KDM3B: variants seen among roughly 807,000 people sequenced by gnomAD.
The protein encoded by KDM3B is lysine-specific demethylase 3B.
A neutral mutation model predicts 170.0 loss-of-function variants in KDM3B; 10 were observed. That is an observed-to-expected ratio of 0.06 (90% confidence interval 0.04 to 0.10). The LOEUF (loss-of-function observed/expected upper bound fraction) is 0.10. KDM3B is among the 10% of genes least tolerant of loss of function. The pLI, the probability that KDM3B is intolerant of heterozygous loss-of-function variation, is 1.00. For missense variants in KDM3B, 1,394 were observed against 2,195.2 expected (o/e 0.64, Z 7.29); for synonymous variants, 831 against 834.8 (o/e 1.00, Z 0.08).
chr5:138,379,633 G>A lies in KDM3B; in HGVS notation c.630G>A (p.Gly210=), dbSNP rs762318740. ...GGGTCAAAATATATCAGCCAGAGGGGGAAGAAGGGTGGCTCTATGGTGTTG... is the reference window on the plus strand; with the variant it reads ...GGGTCAAAATATATCAGCCAGAGGGAGAAGAAGGGTGGCTCTATGGTGTTG... ...GHRVKIYQPE[G]EEGWLYGVVS... is the part of the protein sequence containing the mutation. Residue 210 remains glycine (G), a synonymous_variant, in exon 5 of 24, where the codon GGG becomes GGA. Transcript: ENST00000314358. 6.2e-7 allele frequency: 1 copy of A among 1,613,616 alleles called. No individual in the cohort carries two copies. Among genetic ancestry groups the A allele is most frequent in the South Asian group, 1.1e-5 (1 of 90,984 alleles).
At position 138,352,713 on chromosome 5, in the gene KDM3B, A is replaced by T; in HGVS notation, c.-83A>T. On this transcript the variant is annotated 5_prime_UTR_variant, in exon 1 of 24. Coordinates refer to ENST00000314358, the MANE Select transcript of KDM3B (RefSeq NM_016604.4). ...CGGCGGCCGCGGGTGGTGCGGAGGG[A>T]GGCCTTGCGGGCGGATCGGGCGCTT... The T allele has an allele frequency of 9.9e-7, 1 of 1,005,182 alleles. No individual in the cohort carries two copies. Among genetic ancestry groups the T allele is most frequent in the South Asian group, 4.8e-5 (1 of 20,824 alleles). 62.3% of individuals were successfully genotyped at this position (1,005,182 alleles called of 1,614,324 possible). A position where few individuals can be genotyped will look rare whatever the true frequency, so the allele number is the denominator to read the frequency against.
At chr5:138,421,024 G>A in intron 15 of KDM3B, 62 bp downstream of exon 15, 2 of 1,583,636 alleles carry the variant, frequency 1.3e-6, no homozygotes, top group South Asian at 1.1e-5. Context: ...TCAGAGATCA[G>A]ATAATTGGGT....
chr5:138,399,523 G>A (rs1762629176), intron 10 of KDM3B, among the ~76,000 whole-genome samples: 1 of 151,758 alleles, frequency 6.6e-6, no homozygotes, highest in Non-Finnish European at 1.5e-5. Flanking sequence ...GGATGACAAA[G>A]CGAGACCCCA....
chr5:138,371,454 CAAAAA>C (rs747631161), intron 1 of KDM3B, among the ~76,000 whole-genome samples: 1 of 56,674 alleles, frequency 1.8e-5, no homozygotes, highest in Admixed American at 2.0e-4. Flanking sequence ...GACCCTGTCT[CAAAAA>C]AAAAAAAAAA....
At chr5:138,394,541 A>G (rs1762506074) in intron 9 of KDM3B, among the ~76,000 whole-genome samples, 1 of 152,236 alleles carries the variant, frequency 6.6e-6, no homozygotes, top group Non-Finnish European at 1.5e-5. Flanking sequence ...AGAATACACC[A>G]CACTGTGACA....
chr5:138,422,932 C>A (rs1370554783), intron 15 of KDM3B, among the ~76,000 whole-genome samples: 1 of 152,086 alleles, frequency 6.6e-6, no homozygotes, highest in Non-Finnish European at 1.5e-5. Context: ...TTATTTGTTT[C>A]TCTTTTGGAT....
chr5:138,424,395 T>C, intron 16 of KDM3B, 54 bp downstream of exon 16: 4 of 1,555,546 alleles, frequency 2.6e-6, no homozygotes, highest in Non-Finnish European at 3.5e-6. Context: ...CTACCACAGA[T>C]ACCTGGACAA....
At chr5:138,410,947 T>A (rs1461367178) in intron 11 of KDM3B, among the ~76,000 whole-genome samples, 2 of 145,204 alleles carry the variant, frequency 1.4e-5, no homozygotes, top group South Asian at 4.4e-4. Context: ...GGACTAGGAG[T>A]GTGACCACTG....
chr5:138,363,166 A>T (rs1041692186), intron 1 of KDM3B, among the ~76,000 whole-genome samples: 1 of 152,074 alleles, frequency 6.6e-6, no homozygotes, highest in African/African-American at 2.4e-5. Context: ...TAGTAAATTC[A>T]TGGAGGTCAG....
chr5:138,375,640 A>C (rs1449691384), intron 3 of KDM3B, among the ~76,000 whole-genome samples: 1 of 152,006 alleles, frequency 6.6e-6, no homozygotes, highest in African/African-American at 2.4e-5. Flanking sequence ...GGCCTCCCAA[A>C]GTGCTGGGAT....
Position 138,419,249 on chromosome 5 carries a change from C to T in KDM3B, c.3715+17C>T. On this transcript the variant is annotated intron_variant, in intron 14 of 23. Coordinates refer to ENST00000314358, the MANE Select transcript of KDM3B (RefSeq NM_016604.4). ...AAACAAAAGGTGAGATGCACACAAACCTCTGCTCTGCCTATGGTAGAAATC... is the reference window on the plus strand; with the variant it reads ...AAACAAAAGGTGAGATGCACACAAATCTCTGCTCTGCCTATGGTAGAAATC... The T allele has an allele frequency of 6.2e-7, 1 of 1,608,438 alleles. No individual in the cohort carries two copies. The highest frequency in any genetic ancestry group is 1.1e-5 in the South Asian group (1 of 90,796).
At chr5:138,425,259 G>C (rs1245917113) in intron 16 of KDM3B, 152 bp from the exon 17 acceptor site, 1 of 612,168 alleles carries the variant, frequency 1.6e-6, no homozygotes, top group South Asian at 2.7e-5. Context: ...TAGTTGACAT[G>C]TGGAAATCCA....
intron 6 of KDM3B, among the ~76,000 whole-genome samples, chr5:138,384,200 C>G (rs1241885713): frequency 2.1e-5 from 3 of 143,154 alleles, no homozygotes; most frequent in Non-Finnish European, 3.0e-5. Flanking sequence ...GAGCCGAGAT[C>G]GTGCCACTGC....
chr5:138,414,881 A>C (rs1159196468), intron 11 of KDM3B, among the ~76,000 whole-genome samples: 1 of 152,182 alleles, frequency 6.6e-6, no homozygotes, highest in Non-Finnish European at 1.5e-5. Context: ...GGCTTGAGCC[A>C]GAGAGGCGGA....
At position 138,418,149 on chromosome 5, in the gene KDM3B, G is replaced by A. The variant is rs1015672281; in HGVS notation, c.3435+539G>A. On this transcript the variant is annotated intron_variant, in intron 13 of 23. Coordinates refer to ENST00000314358, the MANE Select transcript of KDM3B (RefSeq NM_016604.4). ...TACTGGAGTGCAGTGGCATGATCTC[G>A]GCTCACTGCAACCTCTGCCTCCCAG... Among the ~76,000 whole-genome samples, 5 of 138,752 alleles carry A rather than the reference G, an allele frequency of 3.6e-5. No homozygotes were observed. In the South Asian group the frequency reaches 7.2e-4, roughly 20 times the overall value. The allele number at this position is 138,752 out of a possible 152,430, so 91.0% of individuals were successfully genotyped here.
chr5:138,407,639 T>A (rs1436889221), intron 11 of KDM3B, among the ~76,000 whole-genome samples: 1 of 152,132 alleles, frequency 6.6e-6, no homozygotes. Context: ...AAACGCAACA[T>A]CTGGTGGAGG....
rs1242186736 is a variant in KDM3B, at chr5:138,424,113, C to T, written c.4011C>T (p.Asp1337=). ...AGGCCAGCCTACCCAACTTTCTTGACCACATCATTGCCTCAGTGGTAGAAA... is the reference window on the plus strand; with the variant it reads ...AGGCCAGCCTACCCAACTTTCTTGATCACATCATTGCCTCAGTGGTAGAAA... ...KSKASLPNFL[D]HIIASVVENK... is the part of the protein sequence containing the mutation. Residue 1337 remains aspartate, a synonymous_variant, in exon 16 of 24, where the codon GAC becomes GAT. Coordinates refer to ENST00000314358, the MANE Select transcript of KDM3B (RefSeq NM_016604.4). The T allele has an allele frequency of 6.3e-7, 1 of 1,598,612 alleles. No individual in the cohort carries two copies. The highest frequency in any genetic ancestry group is 1.1e-5 in the South Asian group (1 of 89,300).
intron 11 of KDM3B, among the ~76,000 whole-genome samples, chr5:138,413,918 C>T (rs936248119): frequency 2.0e-5 from 3 of 152,098 alleles, no homozygotes; most frequent in Non-Finnish European, 4.4e-5. Flanking sequence ...TGCACCCAGC[C>T]GTGTAGCAGC....
In KDM3B at chr5:138,424,090, G is replaced by A. The variant is rs1392120736; in HGVS notation, c.3988G>A (p.Ala1330Thr). The change falls in exon 16 of 24, where the codon GCC becomes ACC. Residue 1330 changes from alanine to threonine, a missense_variant. Ala to Thr is a moderately conservative substitution (Grantham distance 58). Coordinates refer to ENST00000314358, the MANE Select transcript of KDM3B (RefSeq NM_016604.4). Reference sequence around the variant, plus strand: ...TGTCTGGCAGGGAGTGAAGAGCAAGGCCAGCCTACCCAACTTTCTTGACCA... The same window carrying A: ...TGTCTGGCAGGGAGTGAAGAGCAAGACCAGCCTACCCAACTTTCTTGACCA... The part of the protein sequence containing the change: ...STSSAGVKSK[A>T]SLPNFLDHII... 6.4e-7 allele frequency: 1 copy of A among 1,569,886 alleles called. No homozygotes were observed. The highest frequency in any genetic ancestry group is 2.3e-5 in the East Asian group (1 of 44,340).
Sources: allele counts gnomAD v4.1 joint callset (sites outside exome capture counted in the v4.1 genomes callset), GRCh38; gene constraint gnomAD v4.1.1; transcripts MANE v1.5; gene names NCBI Gene and HGNC (gene_info 2026-07-23, HGNC 2026-07-21).